Variants in FAT3 observed in about 807,000 individuals in gnomAD.
The protein encoded by FAT3 is FAT atypical cadherin 3, also known as protocadherin Fat 3.
In FAT3, 95 loss-of-function variants were observed where a neutral mutation model predicts 310.2. The ratio of observed to expected loss-of-function variants is 0.31; its 90% confidence interval spans 0.26 to 0.36. The LOEUF is 0.36. FAT3 is among the 10% of genes least tolerant of loss of function. The pLI, the probability that FAT3 is intolerant of heterozygous loss-of-function variation, is 1.00. For missense variants in FAT3, 5,408 were observed against 5,715.6 expected (o/e 0.95, Z 1.74); for synonymous variants, 2,314 against 2,192.9 (o/e 1.06, Z -1.54).
chr11:92,529,192 A>G (rs945029948), intron 3 of FAT3, among the ~76,000 whole-genome samples: 6 of 152,204 alleles, frequency 3.9e-5, no homozygotes, highest in Non-Finnish European at 8.8e-5. Flanking sequence ...CTTATTTAAA[A>G]CAAAAACAAA....
intron 5 of FAT3, among the ~76,000 whole-genome samples, chr11:92,763,797 C>T (rs1447244847): frequency 1.3e-5 from 2 of 152,008 alleles, no homozygotes; most frequent in Admixed American, 1.3e-4. Context: ...CACTTCCCCA[C>T]CAAAAAAAAC....
In FAT3 at chr11:92,782,323, A is replaced by G. The variant is rs925428199; in HGVS notation, c.4336-7620A>G. On this transcript the variant is annotated intron_variant, in intron 7 of 27. Transcript: ENST00000525166. The stretch of plus-strand genomic sequence containing the variant: ...CTCTAAAAAAATTAAAAGGCTGGGT[A>G]CAGGGGTCATGCTTATAATCCCAAC... Among the ~76,000 whole-genome samples the G allele has an allele frequency of 4.6e-5, 7 of 152,120 alleles. 1 individual carries two copies. Among genetic ancestry groups the G allele is most frequent in the Admixed American group, 3.9e-4 (6 of 15,266 alleles).
chr11:92,766,268 G>A (rs1260154446), intron 6 of FAT3, among the ~76,000 whole-genome samples: 1 of 152,174 alleles, frequency 6.6e-6, no homozygotes, highest in Non-Finnish European at 1.5e-5. Context: ...AAAACAGAGG[G>A]GAGAGTGTGT....
intron 9 of FAT3, among the ~76,000 whole-genome samples, chr11:92,795,034 A>G (rs997575829): frequency 6.6e-6 from 1 of 152,316 alleles, no homozygotes; most frequent in African/African-American, 2.4e-5. Flanking sequence ...GGTGGGCTAT[A>G]AATTTCCTGT....
rs543348988 is a variant in FAT3 at position 92,393,956 on chromosome 11, G to A, written c.3292+38552G>A. On this transcript the variant is annotated intron_variant, in intron 2 of 27. Coordinates refer to ENST00000525166, the MANE Select transcript of FAT3 (RefSeq NM_001367949.2). ...TGATTGCTTTCTAATTGTTACAGAT[G>A]TACGTGTTCTATTATCTATCCCTCT... 2.0e-5 allele frequency among the ~76,000 whole-genome samples: 3 copies of A among 152,214 alleles called. No individual in the cohort carries two copies. The South Asian group carries it at 6.2e-4, about 32-fold the overall frequency.
At chr11:92,340,983 T>C (rs80129970) in intron 1 of FAT3, among the ~76,000 whole-genome samples, 1 of 152,110 alleles carries the variant, frequency 6.6e-6, no homozygotes, top group African/African-American at 2.4e-5. Context: ...TGGCTTTGTC[T>C]TAGTCTCTGT....
intron 3 of FAT3, among the ~76,000 whole-genome samples, chr11:92,592,960 C>T (rs1565440316): frequency 6.6e-6 from 1 of 152,082 alleles, no homozygotes; most frequent in Non-Finnish European, 1.5e-5. Flanking sequence ...CGTTAAACAG[C>T]TCCCCATTCT....
In FAT3 at chr11:92,544,588, C is replaced by T. The variant is rs183963639; in HGVS notation, c.3607+19640C>T. Among the ~76,000 whole-genome samples the T allele has an allele frequency of 2.6e-3, 394 of 152,254 alleles. 3 individuals are homozygous for T. Among genetic ancestry groups the T allele is most frequent in the African/African-American group, 8.7e-3 (363 of 41,558 alleles). On this transcript the variant is annotated intron_variant, in intron 3 of 27. Coordinates refer to ENST00000525166, the MANE Select transcript of FAT3 (RefSeq NM_001367949.2). Reference sequence around the variant, plus strand: ...GTGCCCTGGGACAAACTGTGTCTGCCATCACCTGCCACCCCCATTCCAAGT... The same window carrying T: ...GTGCCCTGGGACAAACTGTGTCTGCTATCACCTGCCACCCCCATTCCAAGT...
At chr11:92,359,479 C>T (rs974325635) in intron 2 of FAT3, among the ~76,000 whole-genome samples, 5 of 151,226 alleles carry the variant, frequency 3.3e-5, no homozygotes, top group South Asian at 2.1e-4. Context: ...TCTTGACTTT[C>T]TTTTTTTTTA....
chr11:92,485,438 C>CAGG (rs1458483274), intron 2 of FAT3, among the ~76,000 whole-genome samples: 1 of 152,072 alleles, frequency 6.6e-6, no homozygotes, highest in African/African-American at 2.4e-5. Flanking sequence ...TCTCTAGAGA[C>CAGG]AGGAAAGGAC....
chr11:92,574,002 C>T (rs552570802), intron 3 of FAT3, among the ~76,000 whole-genome samples: 33 of 145,378 alleles, frequency 2.3e-4, no homozygotes, highest in Admixed American at 6.5e-4. Context: ...TGGCGTGTTC[C>T]TCTGAAGGCA....
chr11:92,584,249 C>T (rs147003428), intron 3 of FAT3, among the ~76,000 whole-genome samples: 1 of 152,104 alleles, frequency 6.6e-6, no homozygotes, highest in African/African-American at 2.4e-5. Flanking sequence ...GCTTCAACTC[C>T]CCCAGGGCAC....
intron 19 of FAT3, among the ~76,000 whole-genome samples, chr11:92,847,564 TC>T (rs1948721325): frequency 6.6e-6 from 1 of 152,180 alleles, no homozygotes; most frequent in Non-Finnish European, 1.5e-5. Context: ...AGAAGTTCTC[TC>T]AGACTCCTGT....
At chr11:92,420,502 C>T (rs899994881) in intron 2 of FAT3, among the ~76,000 whole-genome samples, 1 of 152,094 alleles carries the variant, frequency 6.6e-6, no homozygotes, top group Non-Finnish European at 1.5e-5. Context: ...AGTGGGATTT[C>T]ACATCAAAGT....
intron 14 of FAT3, among the ~76,000 whole-genome samples, chr11:92,834,460 T>G (rs1220139215): frequency 2.6e-5 from 4 of 152,360 alleles, no homozygotes; most frequent in Non-Finnish European, 5.9e-5. Context: ...CTGACAAGAA[T>G]GAGGTCATAC....
At chr11:92,381,169 G>A (rs948342289) in intron 2 of FAT3, among the ~76,000 whole-genome samples, 6 of 152,266 alleles carry the variant, frequency 3.9e-5, no homozygotes, top group Non-Finnish European at 5.9e-5. Flanking sequence ...GATGTTAAAA[G>A]AGAAAGTAAG....
chr11:92,878,333 G>T (rs1405797659), intron 22 of FAT3, among the ~76,000 whole-genome samples: 2 of 151,952 alleles, frequency 1.3e-5, no homozygotes, highest in African/African-American at 4.8e-5. Context: ...TATACATTTT[G>T]TCATACCCAA....
At chr11:92,739,632 G>A (rs1201006803) in intron 4 of FAT3, among the ~76,000 whole-genome samples, 1 of 152,134 alleles carries the variant, frequency 6.6e-6, no homozygotes, top group Non-Finnish European at 1.5e-5. Flanking sequence ...AAAGCCAGAA[G>A]GAAAAGAAAG....
chr11:92,764,952 C>A lies in FAT3; in HGVS notation c.4058C>A (p.Pro1353Gln). Reference protein sequence around the residue: ...ARLHIEWIKKPPPSPIPLTFD... With the variant: ...ARLHIEWIKKQPPSPIPLTFD... Reference sequence around the variant, plus strand: ...CTCCACATTGAATGGATTAAGAAACCACCCCCTTCACCTATACCATTGACC... The same window carrying A: ...CTCCACATTGAATGGATTAAGAAACAACCCCCTTCACCTATACCATTGACC... The change falls in exon 6 of 28, where the codon CCA becomes CAA. Residue 1353 changes from proline (P) to glutamine (Q), a missense_variant. Transcript: ENST00000525166. 6.2e-7 allele frequency: 1 copy of A among 1,613,772 alleles called. No individual in the cohort carries two copies. Among genetic ancestry groups the A allele is most frequent in the Non-Finnish European group, 8.5e-7 (1 of 1,179,828 alleles).
Sources: gnomAD v4.1 joint callset for allele counts (sites outside exome capture counted in the v4.1 genomes callset) on GRCh38, gnomAD v4.1.1 for gene constraint, MANE v1.5 for transcripts, NCBI Gene and HGNC (gene_info 2026-07-23, HGNC 2026-07-21) for gene names.